Variants in PCNX1 observed in about 807,000 individuals in gnomAD.
The protein encoded by PCNX1 is pecanex 1, also known as pecanex-like protein 1.
PCNX1 carries 78 observed loss-of-function variants against 242.2 expected under a neutral mutation model. That is an observed-to-expected ratio of 0.32 (90% CI 0.27 to 0.39). PCNX1 has a LOEUF of 0.39. Ranked by LOEUF, PCNX1 falls within the 10% of genes least tolerant of loss-of-function variation. The pLI is 1.00. For synonymous variants in PCNX1, 1,024 were observed against 1,032.9 expected, an observed-to-expected ratio of 0.99 and a Z score of 0.17; for missense variants, 2,581 against 2,856.5, an observed-to-expected ratio of 0.90 and a Z score of 2.20.
At chr14:70,917,162 A>T (rs997674626) in intron 1 of PCNX1, among the ~76,000 whole-genome samples, 9 of 152,194 alleles carry the variant, frequency 5.9e-5, no homozygotes, top group African/African-American at 2.2e-4. Context: ...GATTTCCTCC[A>T]CTGAAGTCTT....
chr14:71,023,087 T>G, intron 12 of PCNX1, 113 bp from the exon 13 acceptor site: 3 of 786,758 alleles, frequency 3.8e-6, no homozygotes, highest in East Asian at 2.5e-5. Flanking sequence ...ATATAGGTCA[T>G]TTTGTGGTTG....
intron 8 of PCNX1, among the ~76,000 whole-genome samples, chr14:70,997,260 TG>T (rs1217133560): frequency 6.6e-6 from 1 of 152,140 alleles, no homozygotes; most frequent in African/African-American, 2.4e-5. Context: ...AAAGGATTTT[TG>T]TGAATCTGCA....
rs2058859086 is a variant in PCNX1, at chr14:70,982,190, C to T, written c.2311+3542C>T. On this transcript the variant is annotated intron_variant, in intron 6 of 35. Transcript: ENST00000304743. The stretch of plus-strand genomic sequence containing the variant: ...TAGACAGAAGATAAAGACCAGTAAA[C>T]AGACAATAAAATGCAAATTGTAGCT... Among the ~76,000 whole-genome samples, 4 of 152,294 alleles carry T rather than the reference C, an allele frequency of 2.6e-5. No individual in the cohort carries two copies. In the South Asian group the frequency reaches 8.3e-4, roughly 32 times the overall value.
chr14:70,908,018 G>A lies in PCNX1; in HGVS notation c.153+15G>A. On this transcript the variant is annotated intron_variant, in intron 1 of 35. Coordinates refer to ENST00000304743, the MANE Select transcript of PCNX1 (RefSeq NM_014982.3). ...CCCTCTACATGGTGAGTGTGGGGGC[G>A]GGGAGCGGGTGGCTCCTTCCCCGCG... The A allele has an allele frequency of 6.4e-7, 1 of 1,559,920 alleles. No homozygotes were observed. The highest frequency in any genetic ancestry group is 1.4e-5 in the African/African-American group (1 of 71,488).
chr14:71,000,973 ATTGTC>A (rs1274343674), intron 8 of PCNX1, among the ~76,000 whole-genome samples: 1 of 152,158 alleles, frequency 6.6e-6, no homozygotes, highest in African/African-American at 2.4e-5. Flanking sequence ...TGGGAAAGTT[ATTGTC>A]TTGTCTTAAG....
At position 70,949,332 on chromosome 14, in the gene PCNX1, C is replaced by T. The variant is rs74566361; in HGVS notation, c.362+2209C>T. Among the ~76,000 whole-genome samples, 1,282 of 147,716 alleles carry T rather than the reference C, an allele frequency of 8.7e-3. 8 individuals carry two copies. Among genetic ancestry groups the T allele is most frequent in the Non-Finnish European group, 0.012 (818 of 66,964 alleles). Reference sequence around the variant, plus strand: ...GTGTGTAGATACACACGTGTATACACGCACGTGCATACACGCACGTGCATA... The same window carrying T: ...GTGTGTAGATACACACGTGTATACATGCACGTGCATACACGCACGTGCATA... On this transcript the variant is annotated intron_variant, in intron 2 of 35. Transcript: ENST00000304743.
At chr14:71,087,431 A>G (rs1465847551) in intron 28 of PCNX1, among the ~76,000 whole-genome samples, 1 of 152,208 alleles carries the variant, frequency 6.6e-6, no homozygotes, top group Non-Finnish European at 1.5e-5. Context: ...TATTGTATTT[A>G]TAAGTTAATG....
chr14:71,062,128 C>A (rs191930891), intron 26 of PCNX1, among the ~76,000 whole-genome samples: 1 of 152,220 alleles, frequency 6.6e-6, no homozygotes, highest in Non-Finnish European at 1.5e-5. Flanking sequence ...AGAAACAAAC[C>A]AAGCAAACTA....
chr14:70,974,488 T>C (rs888153947), intron 5 of PCNX1, among the ~76,000 whole-genome samples: 1 of 152,230 alleles, frequency 6.6e-6, no homozygotes, highest in Non-Finnish European at 1.5e-5. Context: ...TCTTTGAAAA[T>C]GTTTTTAGTG....
At chr14:71,007,832 C>G in intron 8 of PCNX1, among the ~76,000 whole-genome samples, 1 of 151,882 alleles carries the variant, frequency 6.6e-6, no homozygotes. Context: ...CACCCTACCA[C>G]TTTAAAAAAA....
intron 3 of PCNX1, among the ~76,000 whole-genome samples, chr14:70,965,662 CAAAAAA>C (rs11453401): frequency 1.1e-4 from 10 of 91,102 alleles, no homozygotes; most frequent in Admixed American, 4.0e-4. Flanking sequence ...GACTCCGTCT[CAAAAAA>C]AAAAAAAAAA....
At chr14:71,109,306 A>C in intron 34 of PCNX1, 146 bp from the exon 35 acceptor site, 2 of 803,124 alleles carry the variant, frequency 2.5e-6, no homozygotes, top group South Asian at 3.9e-5. Context: ...AAAGAATTCA[A>C]GATGTAGCTC....
At chr14:70,992,544 A>AC (rs2059198634) in intron 7 of PCNX1, among the ~76,000 whole-genome samples, 1 of 120,018 alleles carries the variant, frequency 8.3e-6, no homozygotes, top group Non-Finnish European at 1.7e-5. Flanking sequence ...GACACATAGA[A>AC]AGGTAACTAG....
intron 1 of PCNX1, among the ~76,000 whole-genome samples, chr14:70,910,644 A>G (rs894974077): frequency 1.3e-5 from 2 of 152,202 alleles, no homozygotes; most frequent in African/African-American, 2.4e-5. Context: ...ACAAGACTCC[A>G]TAGCCCACCT....
chr14:71,073,405 T>A, intron 26 of PCNX1, 140 bp from the exon 27 acceptor site: 1 of 802,568 alleles, frequency 1.2e-6, no homozygotes, highest in South Asian at 1.8e-5. Flanking sequence ...AATTTGTTAA[T>A]GAATATTCTA....
chr14:70,995,048 C>A (rs1034598198), intron 7 of PCNX1, among the ~76,000 whole-genome samples: 3 of 152,026 alleles, frequency 2.0e-5, no homozygotes, highest in African/African-American at 7.2e-5. Flanking sequence ...GTTATGGGAA[C>A]GTAACTAATA....
intron 30 of PCNX1, among the ~76,000 whole-genome samples, chr14:71,090,045 T>C (rs184681553): frequency 1.1e-4 from 16 of 152,310 alleles, no homozygotes; most frequent in African/African-American, 3.8e-4. Flanking sequence ...TCCTGCCTAT[T>C]CCCTGTATGA....
intron 27 of PCNX1, among the ~76,000 whole-genome samples, chr14:71,075,470 ATATCTC>A (rs1196118828): frequency 2.6e-5 from 4 of 152,162 alleles, no homozygotes; most frequent in African/African-American, 9.7e-5. Context: ...TTCTAAATAT[ATATCTC>A]TATAACTTGG....
chr14:71,020,526 G>A (rs2060072465), intron 12 of PCNX1, among the ~76,000 whole-genome samples: 1 of 152,158 alleles, frequency 6.6e-6, no homozygotes, highest in Admixed American at 6.5e-5. Flanking sequence ...TTTCTCTAAT[G>A]ACCATTAATG....
Sources: gnomAD v4.1 joint callset for allele counts (sites outside exome capture counted in the v4.1 genomes callset) on GRCh38, gnomAD v4.1.1 for gene constraint, MANE v1.5 for transcripts, NCBI Gene and HGNC (gene_info 2026-07-23, HGNC 2026-07-21) for gene names.